RYR3: variants seen among roughly 807,000 people sequenced by gnomAD.
The protein encoded by RYR3 is ryanodine receptor 3.
A neutral mutation model predicts 584.3 loss-of-function variants in RYR3; 207 were observed. That is an observed-to-expected ratio of 0.35 (90% CI 0.32 to 0.40). The LOEUF is 0.40. RYR3 is among the 10% of genes least tolerant of loss of function. The pLI is 1.00. For synonymous variants in RYR3, 2,416 were observed against 2,248.5 expected, an observed-to-expected ratio of 1.07 and a Z score of -2.11; for missense variants, 5,616 against 6,089.2, an observed-to-expected ratio of 0.92 and a Z score of 2.59.
chr15:33,317,155 C>T (rs1176474923), intron 1 of RYR3, among the ~76,000 whole-genome samples: 1 of 152,208 alleles, frequency 6.6e-6, no homozygotes, highest in Admixed American at 6.5e-5. Flanking sequence ...GTAGCTCTTC[C>T]TTTCATAGCT....
intron 12 of RYR3, among the ~76,000 whole-genome samples, chr15:33,570,834 AAATATAAT>A (rs2057987698): frequency 1.2e-5 from 1 of 81,948 alleles, no homozygotes; most frequent in Non-Finnish European, 3.2e-5. Flanking sequence ...GTGCTACTAC[AAATATAAT>A]TATTTTTTTG....
At chr15:33,489,158 T>G (rs1415503822) in intron 2 of RYR3, among the ~76,000 whole-genome samples, 1 of 152,218 alleles carries the variant, frequency 6.6e-6, no homozygotes, top group Non-Finnish European at 1.5e-5. Flanking sequence ...CCTACAATTT[T>G]TTTTAGAAAT....
At chr15:33,704,959 G>C (rs944372814) in intron 42 of RYR3, among the ~76,000 whole-genome samples, 1 of 152,146 alleles carries the variant, frequency 6.6e-6, no homozygotes, top group Non-Finnish European at 1.5e-5. Context: ...TTGGTTCACA[G>C]GAAAGAACAG....
chr15:33,764,412 C>T (rs1369584928), intron 60 of RYR3, among the ~76,000 whole-genome samples: 2 of 152,058 alleles, frequency 1.3e-5, no homozygotes, highest in Admixed American at 6.6e-5. Flanking sequence ...GAACATCACA[C>T]ACCGGGGCCT....
chr15:33,402,705 A>T (rs970874786), intron 1 of RYR3, among the ~76,000 whole-genome samples: 1 of 152,256 alleles, frequency 6.6e-6, no homozygotes. Flanking sequence ...AGAGCATGTC[A>T]GTGAGAACTG....
chr15:33,749,769 A>G (rs2071099097), intron 55 of RYR3, among the ~76,000 whole-genome samples: 1 of 152,188 alleles, frequency 6.6e-6, no homozygotes, highest in Admixed American at 6.5e-5. Context: ...GGAAGGACAG[A>G]GTTAGAAATT....
intron 7 of RYR3, among the ~76,000 whole-genome samples, chr15:33,541,322 C>G (rs1169605422): frequency 6.6e-6 from 1 of 152,090 alleles, no homozygotes; most frequent in East Asian, 1.9e-4. Context: ...AGCACTTACT[C>G]TATTATAAAA....
chr15:33,645,249 C>G (rs113478730), intron 28 of RYR3, among the ~76,000 whole-genome samples: 1 of 152,158 alleles, frequency 6.6e-6, no homozygotes, highest in African/African-American at 2.4e-5. Flanking sequence ...AACTTTAGTT[C>G]TGGCCCTACA....
rs1470568576 is a variant in RYR3 at position 33,823,059 on chromosome 15, A to G, written c.11059A>G (p.Met3687Val). The change falls in exon 81 of 104, where the codon ATG becomes GTG. Residue 3687 changes from methionine (M) to valine (V), a missense_variant. Physicochemically the swap from Met to Val is conservative, Grantham distance 21. Transcript: ENST00000634891. ...AGFFQSLSGL[M>V]QSCSVLDLNA... ...ATTCTTTCAAAGCCTTTCTGGTCTT[A>G]TGCAGTCTTGCAGGTAAATGCGGGA... 1 of 1,613,422 alleles carries G rather than the reference A, an allele frequency of 6.2e-7. No homozygotes were observed.
chr15:33,792,814 C>T (rs2075242047), intron 67 of RYR3, among the ~76,000 whole-genome samples: 1 of 152,144 alleles, frequency 6.6e-6, no homozygotes. Flanking sequence ...GGTTTTGTTG[C>T]ATTTTTCCCT....
At chr15:33,497,676 A>T (rs1464791128) in intron 2 of RYR3, among the ~76,000 whole-genome samples, 2 of 152,322 alleles carry the variant, frequency 1.3e-5, no homozygotes, top group African/African-American at 4.8e-5. Flanking sequence ...AAATCAGGCT[A>T]ATTAGCACAT....
intron 1 of RYR3, among the ~76,000 whole-genome samples, chr15:33,328,285 G>T (rs929034985): frequency 6.6e-6 from 1 of 152,130 alleles, no homozygotes; most frequent in Non-Finnish European, 1.5e-5. Context: ...GGCTGTTACG[G>T]CAGCTCTGCC....
chr15:33,822,570 A>G (rs1456780082), intron 80 of RYR3, among the ~76,000 whole-genome samples: 1 of 152,222 alleles, frequency 6.6e-6, no homozygotes, highest in Non-Finnish European at 1.5e-5. Context: ...AATTTTTATT[A>G]TGTCAAACAA....
At chr15:33,860,311 G>C (rs1241201395) in intron 100 of RYR3, among the ~76,000 whole-genome samples, 1 of 152,052 alleles carries the variant, frequency 6.6e-6, no homozygotes, top group African/African-American at 2.4e-5. Context: ...AACACAAATA[G>C]CTAAGCAAAA....
chr15:33,441,736 A>T (rs1250833068), intron 1 of RYR3, among the ~76,000 whole-genome samples: 1 of 152,162 alleles, frequency 6.6e-6, no homozygotes, highest in Admixed American at 6.5e-5. Flanking sequence ...ATACATTTGG[A>T]TACTTTCTTC....
chr15:33,531,289 A>G (rs578017485), intron 4 of RYR3, among the ~76,000 whole-genome samples: 2 of 143,712 alleles, frequency 1.4e-5, no homozygotes, highest in Admixed American at 1.4e-4. Flanking sequence ...ATGTAACTTG[A>G]AAAAATTGCT....
chr15:33,608,713 A>G (rs142831943), intron 18 of RYR3, among the ~76,000 whole-genome samples: 120 of 152,402 alleles, frequency 7.9e-4, no homozygotes, highest in African/African-American at 2.8e-3. Flanking sequence ...AGCTTTAAAA[A>G]TAGGCCCAGC....
chr15:33,714,839 T>A (rs1341607760), intron 43 of RYR3, among the ~76,000 whole-genome samples: 1 of 152,152 alleles, frequency 6.6e-6, no homozygotes, highest in Non-Finnish European at 1.5e-5. Context: ...TGCCCAGAAG[T>A]CACTTCCTAC....
Position 33,603,304 on chromosome 15 carries a change from G to A in RYR3, c.2104G>A (p.Gly702Ser). The change falls in exon 18 of 104, where the codon GGC (glycine) becomes AGC (serine). Residue 702 changes from glycine (G) to serine (S), a missense_variant. Coordinates refer to ENST00000634891, the MANE Select transcript of RYR3 (RefSeq NM_001036.6). ...CCCAGGAGGTGGAGAAGGATGGGGA[G>A]GCAATGGTGTTGGTGACGACCTGTA... is the stretch of plus-strand genomic sequence containing the variant. ...PYPGGGEGWG[G>S]NGVGDDLYSY... The A allele has an allele frequency of 1.2e-6, 2 of 1,613,616 alleles. No homozygotes were observed. Among genetic ancestry groups the A allele is most frequent in the Non-Finnish European group, 1.7e-6 (2 of 1,179,690 alleles).
Sources: gnomAD v4.1 joint callset for allele counts (sites outside exome capture counted in the v4.1 genomes callset) on GRCh38, gnomAD v4.1.1 for gene constraint, MANE v1.5 for transcripts, NCBI Gene and HGNC (gene_info 2026-07-23, HGNC 2026-07-21) for gene names.